The following HTN3 variants were observed in gnomAD, a reference collection of about 807,000 sequenced individuals.
HTN3 encodes the protein histatin-3.
Under a neutral mutation model 10.6 loss-of-function variants are expected in HTN3, and 15 were observed. The ratio of observed to expected loss-of-function variants is 1.42; its 90% CI spans 0.95 to 2.18. The LOEUF (loss-of-function observed/expected upper bound fraction) is 2.18. Ranked by LOEUF, HTN3 falls within the 30% of genes most tolerant of loss-of-function variation. The probability of loss-of-function intolerance (pLI) is 0.00; values close to 1 mark genes in which losing one functional copy is unlikely to be tolerated. For synonymous variants in HTN3, 15 were observed against 16.9 expected (o/e 0.89, Z 0.27); for missense variants, 68 against 58.0 (o/e 1.17, Z -0.56).
chr4:70,031,844 C>G, intron 2 of HTN3, 135 bp from the exon 3 acceptor site: 1 of 630,864 alleles, frequency 1.6e-6, no homozygotes, highest in Non-Finnish European at 2.8e-6. Flanking sequence ...GCTAAAATAA[C>G]TAATTTAGCA....
At chr4:70,028,964 T>C (rs1725310259) in intron 1 of HTN3, among the ~76,000 whole-genome samples, 1 of 152,074 alleles carries the variant, frequency 6.6e-6, no homozygotes, top group Non-Finnish European at 1.5e-5. Flanking sequence ...CATTGGCCTT[T>C]CCATCATTAA....
chr4:70,035,076 T>A (rs1160905937), intron 5 of HTN3, among the ~76,000 whole-genome samples: 7 of 152,062 alleles, frequency 4.6e-5, no homozygotes, highest in Non-Finnish European at 1.0e-4. Flanking sequence ...AGAGGGCTGA[T>A]CAATAGTGCA....
rs1219437239 is a variant in HTN3 at position 70,031,970 on chromosome 4, T to C, written c.52-9T>C. ...TATTAATTATTTTCTCATTTTCTTCTTTTCCAAGGGAGCTGATTCACATGC... is the reference window on the plus strand; with the variant it reads ...TATTAATTATTTTCTCATTTTCTTCCTTTCCAAGGGAGCTGATTCACATGC... On this transcript the variant is annotated splice_polypyrimidine_tract_variant and intron_variant, in intron 2 of 5. Transcript: ENST00000673563. The C allele has an allele frequency of 1.3e-6, 2 of 1,536,884 alleles. No individual in the cohort carries two copies. Among genetic ancestry groups the C allele is most frequent in the South Asian group, 1.2e-5 (1 of 85,366 alleles).
At chr4:70,036,027 C>T (rs1440237753) in intron 5 of HTN3, among the ~76,000 whole-genome samples, 1 of 151,988 alleles carries the variant, frequency 6.6e-6, no homozygotes, top group Non-Finnish European at 1.5e-5. Context: ...TGATGGAAAA[C>T]CTCAAGAAAA....
chr4:70,031,017 AAAAG>A, intron 2 of HTN3: 1 of 385,856 alleles, frequency 2.6e-6, no homozygotes, highest in South Asian at 3.3e-5. Context: ...ATATAAAAAT[AAAAG>A]AAAATTAAGC....
chr4:70,033,956 A>G (rs1384228093), intron 5 of HTN3: 1 of 152,130 alleles, frequency 6.6e-6, no homozygotes, highest in Non-Finnish European at 1.5e-5. Flanking sequence ...GCAATGGGAA[A>G]AGGATCTCCT....
chr4:70,029,008 T>C (rs1467997741), intron 1 of HTN3, among the ~76,000 whole-genome samples: 3 of 152,082 alleles, frequency 2.0e-5, no homozygotes, highest in Non-Finnish European at 4.4e-5. Flanking sequence ...ATATATACTG[T>C]ATAACAATTA....
intron 2 of HTN3, 200 bp downstream of exon 2, chr4:70,030,991 A>G (rs1451491467): frequency 4.6e-6 from 2 of 439,074 alleles, no homozygotes; most frequent in African/African-American, 4.2e-5. Flanking sequence ...GCGAACACTC[A>G]AGTACAATTA....
At chr4:70,030,996 C>A (rs1391112029) in intron 2 of HTN3, 16 of 423,428 alleles carry the variant, frequency 3.8e-5, no homozygotes, top group Non-Finnish European at 6.7e-5. Context: ...CACTCAAGTA[C>A]AATTACTTGA....
intron 5 of HTN3, 81 bp downstream of exon 5, chr4:70,033,334 T>A: frequency 1.5e-6 from 1 of 671,572 alleles, no homozygotes; most frequent in Non-Finnish European, 2.5e-6. Context: ...AAAAAGCCAT[T>A]AAGCCAACAA....
Position 70,033,163 on chromosome 4 carries a change from G to T in HTN3, c.103-4G>T, listed in dbSNP as rs1258347359. 3 of 1,603,264 alleles carry T rather than the reference G, an allele frequency of 1.9e-6. No homozygotes were observed. Among genetic ancestry groups the T allele is most frequent in the Non-Finnish European group, 1.7e-6 (2 of 1,172,438 alleles). The stretch of plus-strand genomic sequence containing the variant: ...ATTTGCTCTCTCCTTTTGTGTGTAT[G>T]CAGGAAAAGCATCATTCACATCGAG... On this transcript the variant is annotated splice_region_variant and splice_polypyrimidine_tract_variant and intron_variant, in intron 4 of 5. Coordinates refer to ENST00000673563, the MANE Select transcript of HTN3 (RefSeq NM_000200.3).
At chr4:70,028,944 A>G (rs1321642055) in intron 1 of HTN3, among the ~76,000 whole-genome samples, 1 of 151,980 alleles carries the variant, frequency 6.6e-6, no homozygotes, top group Admixed American at 6.6e-5. Flanking sequence ...AAACTATTTT[A>G]TTACTTTTTC....
At chr4:70,028,731 G>T (rs1206607329) in intron 1 of HTN3, among the ~76,000 whole-genome samples, 2 of 151,950 alleles carry the variant, frequency 1.3e-5, no homozygotes, top group Non-Finnish European at 2.9e-5. Context: ...TGTGGAATAT[G>T]GCAATGTATT....
intron 2 of HTN3, chr4:70,031,239 T>A (rs935733374): frequency 6.3e-6 from 1 of 157,826 alleles, no homozygotes; most frequent in African/African-American, 2.4e-5. Context: ...TTACTCTTTC[T>A]AAAATAAAGC....
At position 70,030,737 on chromosome 4, in the gene HTN3, A is replaced by T; in HGVS notation, c.-4A>T. The T allele has an allele frequency of 6.2e-7, 1 of 1,608,242 alleles. No homozygotes were observed. The highest frequency in any genetic ancestry group is 8.5e-7 in the Non-Finnish European group (1 of 1,174,962). On this transcript the variant is annotated 5_prime_UTR_variant, in exon 2 of 6. Coordinates refer to ENST00000673563, the MANE Select transcript of HTN3 (RefSeq NM_000200.3). ...ATGTTTGATTTTATAGGACTCAGCC[A>T]ACTATGAAGTTTTTTGTTTTTGCTT...
intron 5 of HTN3, among the ~76,000 whole-genome samples, chr4:70,034,601 G>A (rs1251619861): frequency 1.3e-5 from 2 of 152,122 alleles, no homozygotes; most frequent in African/African-American, 4.8e-5. Flanking sequence ...TTTCACTGGT[G>A]GTGAGAATGC....
At chr4:70,029,311 A>G (rs1725318991) in intron 1 of HTN3, among the ~76,000 whole-genome samples, 1 of 151,940 alleles carries the variant, frequency 6.6e-6, no homozygotes, top group African/African-American at 2.4e-5. Context: ...TGATTTATCT[A>G]TTAGGTAATA....
Position 70,033,263 on chromosome 4 carries a change from C to A in HTN3, c.*33+10C>A. ...GGGCATGATTATGGAGGTAAGCTGA[C>A]TCTAGTTACTTTTCTTTCTAGAAGT... On this transcript the variant is annotated intron_variant, in intron 5 of 5. Transcript: ENST00000673563. The A allele has an allele frequency of 1.6e-6, 2 of 1,234,822 alleles. No homozygotes were observed. Among genetic ancestry groups the A allele is most frequent in the Non-Finnish European group, 1.2e-6 (1 of 856,672 alleles). 76.5% of individuals were successfully genotyped at this position (1,234,822 alleles called of 1,614,324 possible).
rs1235158980 is a variant in HTN3 at position 70,031,943 on chromosome 4, G to T, written c.52-36G>T. The T allele has an allele frequency of 2.9e-6, 4 of 1,376,178 alleles. No homozygotes were observed. In the East Asian group the frequency reaches 7.0e-5, roughly 24 times the overall value. The allele number at this position is 1,376,178 out of a possible 1,614,324, so 85.2% of individuals were successfully genotyped here. ...ACATATTCTTGAATTATGAAATTAAGATATTAATTATTTTCTCATTTTCTT... is the reference window on the plus strand; with the variant it reads ...ACATATTCTTGAATTATGAAATTAATATATTAATTATTTTCTCATTTTCTT... On this transcript the variant is annotated intron_variant, in intron 2 of 5. Transcript: ENST00000673563.
Sources: allele counts gnomAD v4.1 joint callset (sites outside exome capture counted in the v4.1 genomes callset), GRCh38; gene constraint gnomAD v4.1.1; transcripts MANE v1.5; gene names NCBI Gene and HGNC (gene_info 2026-07-23, HGNC 2026-07-21).